Variants in PCDHA4 observed in about 807,000 individuals in gnomAD.
PCDHA4 encodes protocadherin alpha-4.
In PCDHA4, 49 loss-of-function variants were observed where a neutral mutation model predicts 61.4. The ratio of observed to expected loss-of-function variants is 0.80; its 90% CI spans 0.63 to 1.01. The LOEUF is 1.01. PCDHA4 is among the 50% of genes least tolerant of loss of function. The pLI is 0.00. For synonymous variants in PCDHA4, 590 were observed against 550.3 expected (o/e 1.07, Z -1.01); for missense variants, 1,254 against 1,235.8 (o/e 1.01, Z -0.22).
intron 1 of PCDHA4, among the ~76,000 whole-genome samples, chr5:140,950,285 C>T (rs1314594266): frequency 1.3e-5 from 2 of 151,926 alleles, no homozygotes; most frequent in African/African-American, 4.8e-5. Context: ...TTTGCTTCAA[C>T]CTGAAAAACT....
At chr5:140,926,018 G>C (rs1489789521) in intron 1 of PCDHA4, among the ~76,000 whole-genome samples, 1 of 152,122 alleles carries the variant, frequency 6.6e-6, no homozygotes, top group Non-Finnish European at 1.5e-5. Context: ...CCAGAGTCCG[G>C]AGGCAGTTTG....
At chr5:140,828,068 G>A (rs1448690269) in intron 1 of PCDHA4, 1 of 1,561,610 alleles carries the variant, frequency 6.4e-7, no homozygotes, top group African/African-American at 1.4e-5. Context: ...TCTTCTAATG[G>A]AAATAAAACC....
chr5:140,966,724 C>G (rs1357964806), intron 1 of PCDHA4: 25 of 1,396,170 alleles, frequency 1.8e-5, no homozygotes, highest in Non-Finnish European at 2.3e-5. Context: ...GGGAAGCTGC[C>G]GCCTCCGGCC....
intron 1 of PCDHA4, chr5:140,850,022 A>C: frequency 6.3e-7 from 1 of 1,596,794 alleles, no homozygotes; most frequent in Admixed American, 1.7e-5. Context: ...GCTACGTGTC[A>C]GTGCACGCGG....
In PCDHA4 at chr5:140,830,164, G is replaced by T. The variant is rs2150182305; in HGVS notation, c.2385+20592G>T. The T allele has an allele frequency of 2.7e-5, 44 of 1,613,426 alleles. 1 individual carries two copies. In the South Asian group the frequency reaches 4.6e-4, roughly 17 times the overall value. On this transcript the variant is annotated intron_variant, in intron 1 of 3. Coordinates refer to ENST00000530339, the MANE Select transcript of PCDHA4 (RefSeq NM_018907.4). ...CGGTGGGCGCCGCGGGCCCAGAGGC[G>T]GCGCTGGTGGATGTCAACGTGTACC...
At chr5:140,907,519 C>A (rs1378450434) in intron 1 of PCDHA4, among the ~76,000 whole-genome samples, 3 of 152,184 alleles carry the variant, frequency 2.0e-5, no homozygotes, top group Non-Finnish European at 4.4e-5. Flanking sequence ...CCAGTGAGGA[C>A]AAATCGCTGC....
In PCDHA4 at chr5:140,857,536, G is replaced by A. The variant is rs782533924; in HGVS notation, c.2385+47964G>A. The A allele has an allele frequency of 2.5e-6, 4 of 1,597,412 alleles. No homozygotes were observed. In the South Asian group the frequency reaches 4.4e-5, roughly 18 times the overall value. ...TGGTGTCCTACTCTCTGGTGGAGCG[G>A]CGGTTGGGCGAGCGCTCGCTGTCGA... On this transcript the variant is annotated intron_variant, in intron 1 of 3. Coordinates refer to ENST00000530339, the MANE Select transcript of PCDHA4 (RefSeq NM_018907.4).
At chr5:140,957,556 A>G (rs1364343526) in intron 1 of PCDHA4, among the ~76,000 whole-genome samples, 1 of 152,150 alleles carries the variant, frequency 6.6e-6, no homozygotes, top group African/African-American at 2.4e-5. Flanking sequence ...TCTCTGTGGA[A>G]AAGGAGGGAC....
intron 1 of PCDHA4, among the ~76,000 whole-genome samples, chr5:140,964,435 C>G (rs2095833359): frequency 6.6e-6 from 1 of 152,108 alleles, no homozygotes; most frequent in African/African-American, 2.4e-5. Context: ...AATTACCAAG[C>G]CTCTGCCACT....
At chr5:140,938,887 A>ACG (rs2092246756) in intron 1 of PCDHA4, among the ~76,000 whole-genome samples, 1 of 152,094 alleles carries the variant, frequency 6.6e-6, no homozygotes, top group South Asian at 2.1e-4. Flanking sequence ...ACACACACAC[A>ACG]CACAGATGCG....
intron 1 of PCDHA4, chr5:140,812,885 G>T (rs1765193374): frequency 2.6e-5 from 4 of 152,092 alleles, no homozygotes; most frequent in Admixed American, 2.6e-4. Flanking sequence ...TCATTCAAAT[G>T]AAATTTTGAA....
intron 1 of PCDHA4, chr5:140,967,010 C>G: frequency 6.2e-7 from 1 of 1,606,340 alleles, no homozygotes. Flanking sequence ...CATCAACCAT[C>G]TGGGTGCGCC....
At chr5:140,834,013 C>T (rs1286053645) in intron 1 of PCDHA4, among the ~76,000 whole-genome samples, 3 of 152,146 alleles carry the variant, frequency 2.0e-5, no homozygotes, top group East Asian at 1.9e-4. Context: ...TCTGGTAACA[C>T]TGAGTATTCA....
intron 1 of PCDHA4, chr5:140,856,071 TG>T: frequency 6.3e-7 from 1 of 1,591,920 alleles, no homozygotes; most frequent in East Asian, 2.2e-5. Flanking sequence ...TGTAGCTGCC[TG>T]GGGGTCCAGT....
At chr5:140,813,478 T>C (rs2126646708) in intron 1 of PCDHA4, 2 of 152,182 alleles carry the variant, frequency 1.3e-5, no homozygotes, top group Non-Finnish European at 1.5e-5. Flanking sequence ...TACCTAAATA[T>C]ATCTAAACAT....
chr5:140,829,049 A>G (rs2150162138), intron 1 of PCDHA4: 1 of 1,613,120 alleles, frequency 6.2e-7, no homozygotes, highest in South Asian at 1.1e-5. Flanking sequence ...CAAAATCCTC[A>G]TTGACGCCAC....
chr5:140,875,982 T>C (rs782696437), intron 1 of PCDHA4: 8 of 1,613,890 alleles, frequency 5.0e-6, no homozygotes, highest in Middle Eastern at 1.6e-4. Context: ...TTTTGACCTA[T>C]GCGTTAAGTC....
Position 140,843,115 on chromosome 5 carries a change from C to G in PCDHA4, c.2385+33543C>G, listed in dbSNP as rs2150353014. Reference sequence around the variant, plus strand: ...TGGTAGCGAAGGTGCGCGCAGTGGACGCCGACTCGGGCTACAACGCGTGGC... The same window carrying G: ...TGGTAGCGAAGGTGCGCGCAGTGGAGGCCGACTCGGGCTACAACGCGTGGC... On this transcript the variant is annotated intron_variant, in intron 1 of 3. Coordinates refer to ENST00000530339, the MANE Select transcript of PCDHA4 (RefSeq NM_018907.4). 1.3e-5 allele frequency: 21 copies of G among 1,595,824 alleles called. 4 individuals carry two copies. In the South Asian group the frequency reaches 1.5e-4, roughly 12 times the overall value.
rs548429892 is a variant in PCDHA4 at position 140,891,971 on chromosome 5, G to A, written c.2385+82399G>A. Among the ~76,000 whole-genome samples the A allele has an allele frequency of 9.9e-5, 15 of 152,232 alleles. No homozygotes were observed. In the South Asian group the frequency reaches 1.9e-3, roughly 19 times the overall value. On this transcript the variant is annotated intron_variant, in intron 1 of 3. Transcript: ENST00000530339. ...CCAGAATTGTGAGAAGTAAATTTCC[G>A]TTCTCATAAATTACTCAGTCTGTGG...
Sources: gnomAD v4.1 joint callset for allele counts (sites outside exome capture counted in the v4.1 genomes callset) on GRCh38, gnomAD v4.1.1 for gene constraint, MANE v1.5 for transcripts, NCBI Gene and HGNC (gene_info 2026-07-23, HGNC 2026-07-21) for gene names.